EDNRB: variants seen among roughly 807,000 people sequenced by gnomAD.
EDNRB encodes the protein Hirschsprung disease 2.
EDNRB carries 18 observed loss-of-function variants against 46.4 expected under a neutral mutation model. The observed-to-expected ratio is 0.39, with a 90% CI of 0.27 to 0.57. EDNRB has a LOEUF of 0.57. Ranked by LOEUF, EDNRB falls within the 20% of genes least tolerant of loss-of-function variation. The pLI is 0.61. For missense variants in EDNRB, 434 were observed against 537.5 expected, an observed-to-expected ratio of 0.81 and a Z score of 1.90; for synonymous variants, 213 against 204.9, an observed-to-expected ratio of 1.04 and a Z score of -0.34.
chr13:77,945,206 T>A (rs1188619477), intron 1 of EDNRB, among the ~76,000 whole-genome samples: 1 of 152,236 alleles, frequency 6.6e-6, no homozygotes, highest in East Asian at 1.9e-4. Context: ...CTGCTGATTT[T>A]ATTTTTAGTT....
intron 1 of EDNRB, among the ~76,000 whole-genome samples, chr13:77,914,804 C>T (rs1027340779): frequency 6.6e-6 from 1 of 152,212 alleles, no homozygotes; most frequent in African/African-American, 2.4e-5. Flanking sequence ...ACCAATTCCA[C>T]AGCCTGAAGA....
intron 1 of EDNRB, among the ~76,000 whole-genome samples, chr13:77,931,666 A>AT (rs1324668457): frequency 1.4e-5 from 2 of 148,044 alleles, no homozygotes; most frequent in African/African-American, 2.5e-5. Context: ...CTCTTGCTGA[A>AT]TTTGAGTTCC....
chr13:77,957,708 G>T (rs970088970), intron 1 of EDNRB, among the ~76,000 whole-genome samples: 2 of 152,182 alleles, frequency 1.3e-5, no homozygotes, highest in Admixed American at 6.5e-5. Context: ...TGGATGAACT[G>T]CCTGCACGTA....
intron 1 of EDNRB, among the ~76,000 whole-genome samples, chr13:77,958,004 A>G (rs553820012): frequency 9.8e-5 from 15 of 152,322 alleles, no homozygotes; most frequent in African/African-American, 3.6e-4. Context: ...TAATTTTTGC[A>G]AAAAACTAAA....
chr13:77,901,771 T>A (rs1879000328), intron 3 of EDNRB, among the ~76,000 whole-genome samples: 1 of 151,990 alleles, frequency 6.6e-6, no homozygotes, highest in Admixed American at 6.6e-5. Flanking sequence ...TAGATATATC[T>A]GTGTTGGAGA....
At chr13:77,973,938 T>C (rs9544653) in intron 1 of EDNRB, among the ~76,000 whole-genome samples, 3 of 77,180 alleles carry the variant, frequency 3.9e-5, no homozygotes, top group African/African-American at 8.3e-5. Context: ...CCTTTTTTCC[T>C]TTTTTTTTTT....
chr13:77,917,265 A>G (rs958139102), intron 1 of EDNRB, among the ~76,000 whole-genome samples: 1 of 152,170 alleles, frequency 6.6e-6, no homozygotes, highest in Admixed American at 6.5e-5. Flanking sequence ...AACTAATTGT[A>G]ATATCTACTT....
At chr13:77,903,745 T>G (rs1463087212) in intron 1 of EDNRB, 138 bp from the exon 2 acceptor site, 2 of 743,086 alleles carry the variant, frequency 2.7e-6, no homozygotes, top group African/African-American at 3.5e-5. Flanking sequence ...ACTACTTCTT[T>G]GAAAAGCACC....
intron 1 of EDNRB, among the ~76,000 whole-genome samples, chr13:77,917,301 A>G (rs1458783848): frequency 7.9e-5 from 12 of 152,338 alleles, no homozygotes; most frequent in African/African-American, 2.9e-4. Flanking sequence ...GAATAATGGA[A>G]GTAACACATC....
chr13:77,971,915 C>T (rs1414135450), intron 1 of EDNRB, among the ~76,000 whole-genome samples: 1 of 152,138 alleles, frequency 6.6e-6, no homozygotes, highest in Non-Finnish European at 1.5e-5. Context: ...GCAGAGTGCC[C>T]AGTAAAGATC....
rs973946726 is a variant in EDNRB, at chr13:77,957,739, C to T, written c.-52+17608G>A. 1.7e-4 allele frequency among the ~76,000 whole-genome samples: 26 copies of T among 152,112 alleles called. 1 individual carries two copies. The highest frequency in any genetic ancestry group is 1.3e-4 in the Admixed American group (2 of 15,268). On this transcript the variant is annotated intron_variant, in intron 1 of 7. Coordinates refer to the EDNRB transcript ENST00000646948. Reference sequence around the variant, plus strand: ...ACGTACACTTTCATGTGGTTTTGTTCTTGTCCACTCATATCCTATGATATA... The same window carrying T: ...ACGTACACTTTCATGTGGTTTTGTTTTTGTCCACTCATATCCTATGATATA...
At chr13:77,902,973 T>A (rs1879075096) in intron 3 of EDNRB, among the ~76,000 whole-genome samples, 183 bp downstream of exon 3, 1 of 151,948 alleles carries the variant, frequency 6.6e-6, no homozygotes, top group South Asian at 2.1e-4. Context: ...GAAGTAGTGA[T>A]CTAGCTTCTT....
At chr13:77,939,362 G>T in intron 1 of EDNRB, 1 of 152,366 alleles carries the variant, frequency 6.6e-6, no homozygotes, top group South Asian at 2.1e-4. Flanking sequence ...GGCTTAGCTT[G>T]GGCTCAAAGG....
At chr13:77,916,751 C>G (rs1287066167) in intron 1 of EDNRB, among the ~76,000 whole-genome samples, 2 of 152,186 alleles carry the variant, frequency 1.3e-5, no homozygotes, top group African/African-American at 4.8e-5. Flanking sequence ...GTACTGAAGT[C>G]AGGGCTAGCT....
intron 1 of EDNRB, among the ~76,000 whole-genome samples, chr13:77,936,532 T>G (rs1199831306): frequency 1.3e-5 from 2 of 152,096 alleles, no homozygotes; most frequent in East Asian, 3.9e-4. Flanking sequence ...GAGAATTACT[T>G]AGAGCATCTG....
chr13:77,902,726 A>G (rs1473009265), intron 3 of EDNRB, among the ~76,000 whole-genome samples: 1 of 151,988 alleles, frequency 6.6e-6, no homozygotes, highest in Non-Finnish European at 1.5e-5. Flanking sequence ...ATCAGGGATA[A>G]CACCCCCTTC....
At chr13:77,930,605 A>G (rs1365025040) in intron 1 of EDNRB, among the ~76,000 whole-genome samples, 2 of 152,234 alleles carry the variant, frequency 1.3e-5, no homozygotes, top group East Asian at 3.9e-4. Flanking sequence ...AACTTCCACA[A>G]CAGTAGACAT....
chr13:77,938,910 G>A (rs565873708), intron 1 of EDNRB, among the ~76,000 whole-genome samples: 1 of 152,200 alleles, frequency 6.6e-6, no homozygotes, highest in Admixed American at 6.5e-5. Flanking sequence ...TTTTCACAGA[G>A]CAAAGAGCAG....
At chr13:77,908,639 C>A (rs762960954) in intron 1 of EDNRB, among the ~76,000 whole-genome samples, 6 of 151,956 alleles carry the variant, frequency 3.9e-5, no homozygotes, top group Non-Finnish European at 8.8e-5. Flanking sequence ...CAAGAGGAAG[C>A]AACTCTAACT....
Sources: gnomAD v4.1 joint callset for allele counts (sites outside exome capture counted in the v4.1 genomes callset) on GRCh38, gnomAD v4.1.1 for gene constraint, MANE v1.5 for transcripts, NCBI Gene and HGNC (gene_info 2026-07-23, HGNC 2026-07-21) for gene names.